SCN10A: variants seen among roughly 807,000 people sequenced by gnomAD.
SCN10A encodes sodium voltage-gated channel alpha subunit 10.
A neutral mutation model predicts 170.7 loss-of-function variants in SCN10A; 162 were observed. The ratio of observed to expected loss-of-function variants is 0.95; its 90% confidence interval spans 0.84 to 1.08. SCN10A has a LOEUF of 1.08. Among genes scored for constraint, SCN10A ranks in the 50% least tolerant of loss-of-function variants. The probability of loss-of-function intolerance (pLI) is 0.00; values close to 1 mark genes in which losing one functional copy is unlikely to be tolerated. For missense variants in SCN10A, 2,527 were observed against 2,436.9 expected (o/e 1.04, Z -0.78); for synonymous variants, 985 against 904.6 (o/e 1.09, Z -1.59).
Position 38,713,946 on chromosome 3 carries a change from G to T in SCN10A, c.3804+12C>A. 1.2e-6 allele frequency: 2 copies of T among 1,612,738 alleles called. No individual in the cohort carries two copies. The highest frequency in any genetic ancestry group is 1.7e-6 in the Non-Finnish European group (2 of 1,179,930). Reference sequence around the variant, plus strand: ...CCTGGCCAGATGAGAGAAGTTTTGAGATCAGACTTACCCGCATGCCTTCAA... The same window carrying T: ...CCTGGCCAGATGAGAGAAGTTTTGATATCAGACTTACCCGCATGCCTTCAA... On this transcript the variant is annotated intron_variant, in intron 22 of 27. Transcript: ENST00000449082.
At chr3:38,757,727 G>A (rs1486058412) in intron 8 of SCN10A, among the ~76,000 whole-genome samples, 2 of 152,134 alleles carry the variant, frequency 1.3e-5, no homozygotes, top group East Asian at 1.9e-4. Flanking sequence ...AACTACGCAG[G>A]TGTCAATATA....
At chr3:38,789,896 A>G (rs750289902) in intron 3 of SCN10A, among the ~76,000 whole-genome samples, 8 of 152,188 alleles carry the variant, frequency 5.3e-5, no homozygotes, top group Non-Finnish European at 8.8e-5. Flanking sequence ...GGCTCCCAAC[A>G]GTGCTTCCTA....
intron 26 of SCN10A, among the ~76,000 whole-genome samples, chr3:38,703,658 C>A (rs1184554051): frequency 1.3e-5 from 2 of 152,212 alleles, no homozygotes; most frequent in Non-Finnish European, 2.9e-5. Flanking sequence ...TGCTTCTTTT[C>A]TTGCCATTTG....
chr3:38,814,308 G>T (rs2064458196), intron 1 of SCN10A, among the ~76,000 whole-genome samples: 1 of 152,134 alleles, frequency 6.6e-6, no homozygotes, highest in African/African-American at 2.4e-5. Flanking sequence ...AGGAGTTGGG[G>T]ACACTAAGCT....
chr3:38,772,350 A>G (rs952069101), intron 4 of SCN10A, among the ~76,000 whole-genome samples: 1 of 151,848 alleles, frequency 6.6e-6, no homozygotes, highest in Non-Finnish European at 1.5e-5. Context: ...AAAAGAAAAG[A>G]AAAGAAAAAG....
At chr3:38,721,993 C>G in intron 20 of SCN10A, among the ~76,000 whole-genome samples, 1 of 152,148 alleles carries the variant, frequency 6.6e-6, no homozygotes, top group African/African-American at 2.4e-5. Flanking sequence ...TCAGTTTCCC[C>G]ATCTATATAG....
intron 1 of SCN10A, among the ~76,000 whole-genome samples, chr3:38,802,628 C>G (rs1042121815): frequency 1.3e-5 from 2 of 152,148 alleles, no homozygotes; most frequent in African/African-American, 4.8e-5. Context: ...CCCTTCCTTA[C>G]ACTTTATACA....
intron 3 of SCN10A, among the ~76,000 whole-genome samples, chr3:38,790,518 A>G (rs2064267141): frequency 6.6e-6 from 1 of 151,982 alleles, no homozygotes; most frequent in African/African-American, 2.4e-5. Context: ...ATGTAATTCA[A>G]CCAGAATCCA....
At chr3:38,769,118 T>A (rs191246407) in intron 5 of SCN10A, among the ~76,000 whole-genome samples, 1 of 152,248 alleles carries the variant, frequency 6.6e-6, no homozygotes, top group East Asian at 1.9e-4. Context: ...TGTTTTTTCT[T>A]TATATCTATT....
chr3:38,724,980 T>C lies in SCN10A; in HGVS notation c.3228+194A>G, dbSNP rs368768407. On this transcript the variant is annotated intron_variant, in intron 18 of 27. Coordinates refer to ENST00000449082, the MANE Select transcript of SCN10A (RefSeq NM_006514.4). ...GGAGTGAGATTGTGGCAATGGTATA[T>C]GGTGAAAGTTGAAATTGTGCGGATT... 3.9e-5 allele frequency among the ~76,000 whole-genome samples: 6 copies of C among 152,276 alleles called. No homozygotes were observed. In the South Asian group the frequency reaches 8.3e-4, roughly 21 times the overall value.
chr3:38,723,528 T>C lies in SCN10A; in HGVS notation c.3254A>G (p.Glu1085Gly), dbSNP rs1288811554. The C allele has an allele frequency of 1.2e-6, 2 of 1,606,542 alleles. No homozygotes were observed. Among genetic ancestry groups the C allele is most frequent in the South Asian group, 2.2e-5 (2 of 90,118 alleles). ...AEGVDDTSSS[E>G]GSTVDCLDPE... The stretch of plus-strand genomic sequence containing the variant: ...ATCTAGGCAGTCCACCGTGCTGCCC[T>C]CAGAGGAGCTTGTGTCGTCCACTCC... The change falls in exon 19 of 28, where the codon GAG becomes GGG. Residue 1085 changes from glutamate (E) to glycine (G), a missense_variant. By Grantham distance (98) the Glu-to-Gly change is moderately conservative (BLOSUM62 -2). Transcript: ENST00000449082.
Position 38,718,654 on chromosome 3 carries a change from T to C in SCN10A, c.3680A>G (p.Asn1227Ser). The stretch of plus-strand genomic sequence containing the variant: ...ACGTGTTCCCACTGAGCCACTCACA[T>C]TCACAATGAGGAAGTCCAGCCAGCA... ...AWCWLDFLIVNISLISLTAKI... is the reference protein window; with the variant it reads ...AWCWLDFLIVSISLISLTAKI... The change falls in exon 21 of 28, where the codon AAT becomes AGT. Residue 1227 changes from asparagine (N) to serine (S), a missense_variant and splice_region_variant. Transcript: ENST00000449082. 1 of 1,614,148 alleles carries C rather than the reference T, an allele frequency of 6.2e-7. No individual in the cohort carries two copies. Among genetic ancestry groups the C allele is most frequent in the Non-Finnish European group, 8.5e-7 (1 of 1,179,994 alleles).
chr3:38,797,623 C>T (rs1340400771), intron 1 of SCN10A, among the ~76,000 whole-genome samples: 1 of 152,124 alleles, frequency 6.6e-6, no homozygotes, highest in African/African-American at 2.4e-5. Context: ...TTAATTCTTC[C>T]CTTCTGAGAA....
intron 6 of SCN10A, among the ~76,000 whole-genome samples, chr3:38,762,890 A>C (rs574058322): frequency 9.6e-4 from 146 of 152,244 alleles, no homozygotes; most frequent in African/African-American, 3.5e-3. Context: ...CCATTTCAGA[A>C]AGTTTGCCTT....
In SCN10A at chr3:38,742,428, T is replaced by C. The variant is rs145340027; in HGVS notation, c.1969A>G (p.Ile657Val). Residue 657 changes from isoleucine to valine, a missense_variant, in exon 14 of 28, where the codon ATT becomes GTT. Coordinates refer to ENST00000449082, the MANE Select transcript of SCN10A (RefSeq NM_006514.4). ...GGATCCGTCACAAGCCCAAAGAGAA[T>C]TGTCTTGAGCTTCACCCACATGGGG... ...CCPMWVKLKT[I>V]LFGLVTDPFA... The C allele has an allele frequency of 1.1e-5, 18 of 1,614,032 alleles. No homozygotes were observed. The highest frequency in any genetic ancestry group is 1.5e-5 in the Non-Finnish European group (18 of 1,180,024).
intron 8 of SCN10A, among the ~76,000 whole-genome samples, chr3:38,757,661 A>G (rs1043270821): frequency 6.6e-6 from 1 of 152,222 alleles, no homozygotes; most frequent in African/African-American, 2.4e-5. Flanking sequence ...TAATCACTCA[A>G]TGTTCTTTCT....
chr3:38,791,379 C>T (rs958607649), intron 3 of SCN10A, among the ~76,000 whole-genome samples: 2 of 152,200 alleles, frequency 1.3e-5, no homozygotes, highest in African/African-American at 4.8e-5. Flanking sequence ...TTACCTAAAA[C>T]AATTCATATA....
intron 12 of SCN10A, 118 bp downstream of exon 12, chr3:38,752,101 G>T: frequency 1.2e-6 from 1 of 814,098 alleles, no homozygotes; most frequent in Non-Finnish European, 1.8e-6. Context: ...GTAGAATGGG[G>T]AGGCATTGGA....
At position 38,739,514 on chromosome 3, in the gene SCN10A, C is replaced by A; in HGVS notation, c.2280+1G>T. 3 of 1,612,474 alleles carry A rather than the reference C, an allele frequency of 1.9e-6. No individual in the cohort carries two copies. The highest frequency in any genetic ancestry group is 2.5e-6 in the Non-Finnish European group (3 of 1,179,222). On this transcript the variant is annotated splice_donor_variant, in intron 15 of 27. Transcript: ENST00000449082. LOFTEE classifies it high-confidence loss of function. ...CCAAGCCATCAAGAGAAAAACATTACCAAGCGGAAGCTCCGCAGCACAGAC... is the reference window on the plus strand; with the variant it reads ...CCAAGCCATCAAGAGAAAAACATTAACAAGCGGAAGCTCCGCAGCACAGAC...
Sources: allele counts gnomAD v4.1 joint callset (sites outside exome capture counted in the v4.1 genomes callset), GRCh38; gene constraint gnomAD v4.1.1; transcripts MANE v1.5; gene names NCBI Gene and HGNC (gene_info 2026-07-23, HGNC 2026-07-21).